The following NRG3 variants were observed in gnomAD, a reference collection of about 807,000 sequenced individuals.
NRG3 encodes pro-neuregulin-3, membrane-bound isoform.
NRG3 carries 31 observed loss-of-function variants against 66.9 expected under a neutral mutation model. That is an observed-to-expected ratio of 0.46 (90% CI 0.35 to 0.63). NRG3 has a LOEUF of 0.63. Among genes scored for constraint, NRG3 ranks in the 20% least tolerant of loss-of-function variants. The probability of loss-of-function intolerance (pLI) is 0.00; values close to 1 mark genes in which losing one functional copy is unlikely to be tolerated. For missense variants in NRG3, 910 were observed against 878.9 expected (o/e 1.04, Z -0.45); for synonymous variants, 393 against 359.4 (o/e 1.09, Z -1.06).
At chr10:82,299,189 C>T (rs1192781341) in intron 1 of NRG3, among the ~76,000 whole-genome samples, 1 of 152,106 alleles carries the variant, frequency 6.6e-6, no homozygotes, top group African/African-American at 2.4e-5. Context: ...AGAAGAGTGG[C>T]TGAGTCAAGG....
intron 1 of NRG3, among the ~76,000 whole-genome samples, chr10:82,287,197 C>G (rs2079466081): frequency 6.6e-6 from 1 of 151,972 alleles, no homozygotes; most frequent in East Asian, 2.0e-4. Flanking sequence ...GCAGGTCCCT[C>G]ATGGCTTGGT....
chr10:82,390,323 AGTTT>A (rs1026104207), intron 2 of NRG3, among the ~76,000 whole-genome samples: 1 of 151,584 alleles, frequency 6.6e-6, no homozygotes, highest in Non-Finnish European at 1.5e-5. Flanking sequence ...GTTAAAGTCA[AGTTT>A]GTTTGTGTTT....
At chr10:82,310,791 C>A (rs796752185) in intron 1 of NRG3, among the ~76,000 whole-genome samples, 38 of 152,280 alleles carry the variant, frequency 2.5e-4, no homozygotes, top group African/African-American at 8.7e-4. Flanking sequence ...CTTGCTCTCT[C>A]TCTTCCCCTC....
chr10:82,340,334 C>T (rs1262642073), intron 1 of NRG3, among the ~76,000 whole-genome samples: 1 of 152,196 alleles, frequency 6.6e-6, no homozygotes, highest in East Asian at 1.9e-4. Context: ...GTGCCCTCTC[C>T]ACGAACTCTC....
chr10:81,936,156 G>A (rs1362487693), intron 1 of NRG3, among the ~76,000 whole-genome samples: 1 of 152,042 alleles, frequency 6.6e-6, no homozygotes, highest in African/African-American at 2.4e-5. Context: ...ATTATACCTG[G>A]GACCTGGGGA....
At chr10:82,491,236 G>A (rs1429884308) in intron 2 of NRG3, among the ~76,000 whole-genome samples, 1 of 127,006 alleles carries the variant, frequency 7.9e-6, no homozygotes, top group Non-Finnish European at 1.7e-5. Flanking sequence ...ATCTAACGAA[G>A]TAAACTGCCT....
At chr10:81,904,485 C>G (rs976316786) in intron 1 of NRG3, among the ~76,000 whole-genome samples, 1 of 152,008 alleles carries the variant, frequency 6.6e-6, no homozygotes, top group Non-Finnish European at 1.5e-5. Context: ...CTAAGATCTC[C>G]TTAGACTTTA....
intron 2 of NRG3, among the ~76,000 whole-genome samples, chr10:82,360,166 G>A (rs550741753): frequency 6.6e-6 from 1 of 152,242 alleles, no homozygotes; most frequent in African/African-American, 2.4e-5. Flanking sequence ...TGCAAACCTG[G>A]GTTGGGGAAG....
chr10:82,209,066 C>T (rs1303097510), intron 1 of NRG3, among the ~76,000 whole-genome samples: 1 of 152,110 alleles, frequency 6.6e-6, no homozygotes, highest in Non-Finnish European at 1.5e-5. Context: ...CATAAAATCA[C>T]ACTTGCAAGC....
chr10:82,258,008 T>C (rs1163262005), intron 1 of NRG3, among the ~76,000 whole-genome samples: 1 of 152,190 alleles, frequency 6.6e-6, no homozygotes, highest in African/African-American at 2.4e-5. Context: ...ACTCATCAAT[T>C]ACCAGATACT....
chr10:82,944,680 A>G (rs1848849799), intron 4 of NRG3, among the ~76,000 whole-genome samples: 1 of 152,202 alleles, frequency 6.6e-6, no homozygotes. Flanking sequence ...TAAGAAATGT[A>G]GACAATGTGA....
intron 1 of NRG3, among the ~76,000 whole-genome samples, chr10:82,256,157 C>T (rs1395717933): frequency 2.0e-5 from 3 of 151,628 alleles, no homozygotes; most frequent in Non-Finnish European, 2.9e-5. Context: ...CTCCTGACCT[C>T]GTGATCCACC....
chr10:82,642,167 A>T (rs1413968095), intron 2 of NRG3, among the ~76,000 whole-genome samples: 1 of 152,170 alleles, frequency 6.6e-6, no homozygotes, highest in Non-Finnish European at 1.5e-5. Context: ...TTGCTGCAAA[A>T]GACATGATTT....
At chr10:82,704,053 A>G (rs1456332912) in intron 2 of NRG3, among the ~76,000 whole-genome samples, 1 of 152,034 alleles carries the variant, frequency 6.6e-6, no homozygotes, top group African/African-American at 2.4e-5. Context: ...TGCATAATTG[A>G]CTTATTTCTA....
intron 1 of NRG3, among the ~76,000 whole-genome samples, chr10:82,324,272 C>A (rs948399542): frequency 2.6e-5 from 4 of 151,806 alleles, no homozygotes; most frequent in African/African-American, 9.7e-5. Context: ...GCTGTCATTT[C>A]TCTCATTTCT....
At chr10:82,298,648 A>T (rs974167335) in intron 1 of NRG3, among the ~76,000 whole-genome samples, 1 of 152,068 alleles carries the variant, frequency 6.6e-6, no homozygotes, top group African/African-American at 2.4e-5. Flanking sequence ...TTAAAAAAAA[A>T]CCTTACCTCT....
intron 1 of NRG3, among the ~76,000 whole-genome samples, chr10:82,160,686 A>G (rs2071524109): frequency 6.6e-6 from 1 of 152,008 alleles, no homozygotes; most frequent in Non-Finnish European, 1.5e-5. Context: ...ATAGCAAAGT[A>G]TTTGACTTTG....
chr10:82,566,617 T>C (rs745771853), intron 2 of NRG3, among the ~76,000 whole-genome samples: 2 of 151,900 alleles, frequency 1.3e-5, no homozygotes, highest in African/African-American at 2.4e-5. Context: ...GAAAGACATA[T>C]GTTTATATCC....
intron 1 of NRG3, among the ~76,000 whole-genome samples, chr10:82,167,878 TATTA>T (rs1191328654): frequency 6.6e-6 from 1 of 152,160 alleles, no homozygotes; most frequent in Non-Finnish European, 1.5e-5. Context: ...GTTATTTACC[TATTA>T]ATTGTATTAA....
Sources: gnomAD v4.1 joint callset for allele counts (sites outside exome capture counted in the v4.1 genomes callset) on GRCh38, gnomAD v4.1.1 for gene constraint, MANE v1.5 for transcripts, NCBI Gene and HGNC (gene_info 2026-07-23, HGNC 2026-07-21) for gene names.